The following CALD1 variants were observed in gnomAD, a reference collection of about 807,000 sequenced individuals.
CALD1 encodes caldesmon 1.
In CALD1, 33 loss-of-function variants were observed where a neutral mutation model predicts 99.9. The ratio of observed to expected loss-of-function variants is 0.33; its 90% confidence interval spans 0.25 to 0.44. CALD1 has a LOEUF of 0.44. Among genes scored for constraint, CALD1 ranks in the 20% least tolerant of loss-of-function variants. The probability of loss-of-function intolerance (pLI) is 1.00; values close to 1 mark genes in which losing one functional copy is unlikely to be tolerated. For synonymous variants in CALD1, 310 were observed against 325.0 expected (o/e 0.95, Z 0.50); for missense variants, 861 against 962.1 (o/e 0.89, Z 1.39).
intron 1 of CALD1, among the ~76,000 whole-genome samples, chr7:134,752,480 G>A (rs1440728852): frequency 6.6e-6 from 1 of 152,146 alleles, no homozygotes; most frequent in Non-Finnish European, 1.5e-5. Flanking sequence ...ATATTATACA[G>A]TGGTACCTTC....
intron 1 of CALD1, among the ~76,000 whole-genome samples, chr7:134,759,734 G>C (rs1158882647): frequency 6.6e-6 from 1 of 152,180 alleles, no homozygotes; most frequent in African/African-American, 2.4e-5. Context: ...CATGTGCCAA[G>C]AACTAGTGCT....
chr7:134,744,051 C>CT (rs1796613484), upstream of CALD1, among the ~76,000 whole-genome samples: 1 of 152,188 alleles, frequency 6.6e-6, no homozygotes, highest in East Asian at 1.9e-4. Flanking sequence ...GCGGACCCCT[C>CT]TTTTCCTGCA....
In CALD1 at chr7:134,933,233, G is replaced by C; in HGVS notation, c.464G>C (p.Ser155Thr). ...ETTEKEEKSE[S>T]RQERYEIEET... ...ACCGAGAAGGAAGAAAAAAGTGAAAGTCGCCAAGAAAGATACGAGATAGAG... is the reference window on the plus strand; with the variant it reads ...ACCGAGAAGGAAGAAAAAAGTGAAACTCGCCAAGAAAGATACGAGATAGAG... The change falls in exon 5 of 15, where the codon AGT becomes ACT. Residue 155 changes from serine (S) to threonine (T), a missense_variant. By Grantham distance (58) the Ser-to-Thr change is moderately conservative. This residue lies in a region of CALD1 where 234 missense variants were observed against 233.1 expected (regional missense o/e 1.00). Transcript: ENST00000361675. 2.5e-6 allele frequency: 4 copies of C among 1,609,294 alleles called. No homozygotes were observed. The highest frequency in any genetic ancestry group is 3.4e-6 in the Non-Finnish European group (4 of 1,178,474).
chr7:134,964,655 G>A (rs1371430156), intron 13 of CALD1, among the ~76,000 whole-genome samples: 2 of 152,160 alleles, frequency 1.3e-5, no homozygotes, highest in Admixed American at 1.3e-4. Context: ...AAGTAGTAAG[G>A]GCTGGGGGGA....
At chr7:134,781,681 G>A (rs1181015246) in intron 1 of CALD1, among the ~76,000 whole-genome samples, 1 of 152,134 alleles carries the variant, frequency 6.6e-6, no homozygotes, top group African/African-American at 2.4e-5. Context: ...TTGATCCTAG[G>A]ACACACAAGG....
intron 1 of CALD1, among the ~76,000 whole-genome samples, chr7:134,787,096 A>G (rs899618312): frequency 8.5e-5 from 13 of 152,302 alleles, no homozygotes; most frequent in African/African-American, 2.9e-4. Context: ...ATTCCTCAGA[A>G]GCCTATTTCT....
At chr7:134,757,179 A>G (rs926978720) in intron 1 of CALD1, among the ~76,000 whole-genome samples, 3 of 151,964 alleles carry the variant, frequency 2.0e-5, no homozygotes, top group African/African-American at 4.8e-5. Flanking sequence ...CATAAACATT[A>G]TTCTCCATAT....
intron 1 of CALD1, among the ~76,000 whole-genome samples, chr7:134,799,681 G>T (rs757125225): frequency 6.6e-6 from 1 of 152,098 alleles, no homozygotes; most frequent in East Asian, 1.9e-4. Context: ...AAGCAAACAC[G>T]TGTCATTCGG....
intron 3 of CALD1, among the ~76,000 whole-genome samples, chr7:134,905,735 G>A (rs1803321604): frequency 6.6e-6 from 1 of 151,938 alleles, no homozygotes; most frequent in Non-Finnish European, 1.5e-5. Context: ...TAAATATCTA[G>A]CCCAGGGGTC....
chr7:134,732,279 G>A, the CALD1 span, among the ~76,000 whole-genome samples: 6 of 152,138 alleles, frequency 3.9e-5, no homozygotes, highest in African/African-American at 1.4e-4. Context: ...ATACTTTCAA[G>A]GGCCACCCAA....
At chr7:134,915,362 T>C (rs952700934) in intron 3 of CALD1, among the ~76,000 whole-genome samples, 1 of 152,224 alleles carries the variant, frequency 6.6e-6, no homozygotes, top group African/African-American at 2.4e-5. Flanking sequence ...CACTTTGTAA[T>C]TCAGAAATAT....
chr7:134,780,436 T>C (rs115796496), intron 1 of CALD1, among the ~76,000 whole-genome samples: 6,990 of 152,272 alleles, frequency 0.046, 422 homozygotes, highest in African/African-American at 0.14. Context: ...GTGGGTGTGT[T>C]TTTTTAGAAA....
intron 3 of CALD1, among the ~76,000 whole-genome samples, chr7:134,924,323 G>A (rs1400244310): frequency 6.6e-6 from 1 of 151,906 alleles, no homozygotes; most frequent in Non-Finnish European, 1.5e-5. Context: ...AAAAATTTAT[G>A]TGTGCGTTGC....
chr7:134,756,922 G>A (rs927025456), intron 1 of CALD1, among the ~76,000 whole-genome samples: 8 of 152,312 alleles, frequency 5.3e-5, no homozygotes, highest in Non-Finnish European at 5.9e-5. Flanking sequence ...CAGAATGACT[G>A]AAAGTAGCGC....
At chr7:134,909,215 A>T (rs1349676750) in intron 3 of CALD1, among the ~76,000 whole-genome samples, 1 of 152,218 alleles carries the variant, frequency 6.6e-6, no homozygotes, top group Non-Finnish European at 1.5e-5. Context: ...TTTAAAAAAA[A>T]TTTTCAGATT....
intron 8 of CALD1, 122 bp downstream of exon 8, chr7:134,947,891 C>A: frequency 8.5e-7 from 1 of 1,179,122 alleles, no homozygotes; most frequent in South Asian, 1.6e-5. Context: ...TTACCATGTG[C>A]TAGGTACTGT....
chr7:134,919,821 G>T lies in CALD1; in HGVS notation c.72-8933G>T, dbSNP rs1431249826. On this transcript the variant is annotated intron_variant, in intron 3 of 14. Transcript: ENST00000361675. ...GAAAATTTTTTTTCTTCTAAACCAA[G>T]AGGGCTTTCTTTCACTCTATCCTGT... 2.0e-5 allele frequency among the ~76,000 whole-genome samples: 3 copies of T among 152,104 alleles called. No homozygotes were observed. The South Asian group carries it at 6.2e-4, about 32-fold the overall frequency.
intron 1 of CALD1, among the ~76,000 whole-genome samples, chr7:134,768,635 G>A (rs770808578): frequency 5.3e-5 from 8 of 152,050 alleles, no homozygotes; most frequent in Non-Finnish European, 7.4e-5. Context: ...GGACCAGATT[G>A]CTAGTTCTCT....
intron 1 of CALD1, among the ~76,000 whole-genome samples, chr7:134,768,747 G>A (rs574343830): frequency 2.0e-5 from 3 of 152,276 alleles, no homozygotes; most frequent in African/African-American, 7.2e-5. Flanking sequence ...ACTCTGCAGT[G>A]TTAACAGATG....
Sources: allele counts gnomAD v4.1 joint callset (sites outside exome capture counted in the v4.1 genomes callset), GRCh38; gene constraint gnomAD v4.1.1; regional missense constraint gnomAD v4.1.1; transcripts MANE v1.5; gene names NCBI Gene and HGNC (gene_info 2026-07-23, HGNC 2026-07-21).